SERPINA1: variants seen among roughly 807,000 people sequenced by gnomAD.
SERPINA1 encodes the protein alpha-1-antitrypsin.
Under a neutral mutation model 25.4 loss-of-function variants are expected in SERPINA1, and 21 were observed. That is an observed-to-expected ratio of 0.83 (90% CI 0.59 to 1.19). SERPINA1 has a LOEUF of 1.19. Among genes scored for constraint, SERPINA1 ranks in the 50% most tolerant of loss-of-function variants. The probability of loss-of-function intolerance (pLI) is 0.00; values close to 1 mark genes in which losing one functional copy is unlikely to be tolerated. For missense variants in SERPINA1, 546 were observed against 509.0 expected, an observed-to-expected ratio of 1.07 and a Z score of -0.70; for synonymous variants, 218 against 211.1, an observed-to-expected ratio of 1.03 and a Z score of -0.29.
At chr14:94,383,654 T>A in intron 1 of SERPINA1, 1 of 212,816 alleles carries the variant, frequency 4.7e-6, no homozygotes, top group Non-Finnish European at 9.5e-6. Flanking sequence ...GACCCTAAGA[T>A]GCAAATGGTA....
intron 1 of SERPINA1, among the ~76,000 whole-genome samples, chr14:94,386,537 G>A (rs1041432108): frequency 3.3e-5 from 5 of 152,218 alleles, no homozygotes; most frequent in African/African-American, 1.2e-4. Context: ...CTTCATAGCT[G>A]TACAATGGAG....
chr14:94,390,119 C>T (rs1000155541), upstream of SERPINA1, among the ~76,000 whole-genome samples: 7 of 152,098 alleles, frequency 4.6e-5, no homozygotes, highest in Non-Finnish European at 1.0e-4. Flanking sequence ...ATTCAGTTAC[C>T]CTGTGAAGGG....
rs191174995 is a variant in SERPINA1 at position 94,387,774 on chromosome 14, T to C, written c.-5+786A>G. ...ATTTGGGGCCAGTTATTCACCTCTCTGTCCCCATCTTCCTCATCTGTAAAA... is the reference window on the plus strand; with the variant it reads ...ATTTGGGGCCAGTTATTCACCTCTCCGTCCCCATCTTCCTCATCTGTAAAA... On this transcript the variant is annotated intron_variant, in intron 1 of 4. Coordinates refer to ENST00000393087, the MANE Select transcript of SERPINA1 (RefSeq NM_000295.5). 3.3e-3 allele frequency among the ~76,000 whole-genome samples: 508 copies of C among 152,298 alleles called. 2 individuals carry two copies. The highest frequency in any genetic ancestry group is 5.7e-3 in the Non-Finnish European group (386 of 68,010).
upstream of SERPINA1, among the ~76,000 whole-genome samples, chr14:94,389,346 A>G (rs1463548986): frequency 6.6e-6 from 1 of 152,178 alleles, no homozygotes; most frequent in East Asian, 1.9e-4. Flanking sequence ...CCTCGGGTGA[A>G]GTGCCTGGCA....
rs1267334269 is a variant in SERPINA1 at position 94,378,499 on chromosome 14, T to C, written c.1207A>G (p.Thr403Ala). ...PFVFLMIEQN[T>A]KSPLFMGKVV... is the part of the protein sequence containing the mutation. ...TTTCCCATGAAGAGGGGAGACTTGG[T>C]ATTTTGTTCAATCATTAAGAAGACA... Residue 403 changes from threonine (T) to alanine (A), a missense_variant, in exon 5 of 5, where the codon ACC becomes GCC. Transcript: ENST00000393087. 1.2e-6 allele frequency: 2 copies of C among 1,614,154 alleles called. No homozygotes were observed. The highest frequency in any genetic ancestry group is 1.7e-6 in the Non-Finnish European group (2 of 1,180,020).
chr14:94,382,881 G>A lies in SERPINA1; in HGVS notation c.357C>T (p.Gly119=), dbSNP rs1474416055. 6.2e-7 allele frequency: 1 copy of A among 1,614,004 alleles called. No homozygotes were observed. Among genetic ancestry groups the A allele is most frequent in the African/African-American group, 1.3e-5 (1 of 74,936 alleles). ...TEIPEAQIHE[G]FQELLRTLNQ... ...TGAGGGTACGGAGGAGTTCCTGGAAGCCTTCATGGATCTGAGCCTCCGGAA... is the reference window on the plus strand; with the variant it reads ...TGAGGGTACGGAGGAGTTCCTGGAAACCTTCATGGATCTGAGCCTCCGGAA... Residue 119 remains glycine, a synonymous_variant, in exon 2 of 5, where the codon GGC becomes GGT. Transcript: ENST00000393087.
rs1219790029 is a variant in SERPINA1, at chr14:94,376,856, G to T, written c.*1593C>A. ...GGCAGGTCTTACTAGCAATGACTGG[G>T]GCTCAGAGAGGTTTGGCGACTTCAC... On this transcript the variant is annotated 3_prime_UTR_variant, in exon 5 of 5. Transcript: ENST00000393087. 1 of 152,232 alleles carries T rather than the reference G, an allele frequency of 6.6e-6. No individual in the cohort carries two copies. The highest frequency in any genetic ancestry group is 2.4e-5 in the African/African-American group (1 of 41,452). 9.4% of individuals were successfully genotyped at this position (152,232 alleles called of 1,614,324 possible). A position where few individuals can be genotyped will look rare whatever the true frequency, so the allele number is the denominator to read the frequency against.
intron 3 of SERPINA1, 120 bp downstream of exon 3, chr14:94,380,751 G>A: frequency 7.7e-7 from 1 of 1,295,388 alleles, no homozygotes; most frequent in South Asian, 1.2e-5. Flanking sequence ...CAGAGTAGCA[G>A]TGACCCAGGG....
rs569455355 is a variant in SERPINA1, at chr14:94,379,538, C to T, written c.991G>A (p.Gly331Ser). ...CCATTGCTGAAGACCTTAGTGATGC[C>T]CAGTTGACCCAGGACGCTCTTCAGA... ...YDLKSVLGQL[G>S]ITKVFSNGAD... The change falls in exon 4 of 5, where the codon GGC becomes AGC. Residue 331 changes from glycine to serine, a missense_variant. Gly to Ser is a moderately conservative substitution (Grantham distance 56). Transcript: ENST00000393087. The T allele has an allele frequency of 8.1e-6, 13 of 1,613,264 alleles. No individual in the cohort carries two copies. In the South Asian group the frequency reaches 1.1e-4, roughly 14 times the overall value.
Position 94,381,070 on chromosome 14 carries a change from C to T in SERPINA1, c.718G>A (p.Val240Met), listed in dbSNP as rs72552401. ...EDFHVDQVTT[V>M]KVPMMKRLGM... ...AAACGCTTCATCATAGGCACCTTCA[C>T]GGTGGTCACCTGGTCCACGTGGAAG... Residue 240 changes from valine (V) to methionine (M), a missense_variant, in exon 3 of 5, where the codon GTG becomes ATG. Val to Met is a conservative substitution (Grantham distance 21). Transcript: ENST00000393087. 162 of 1,614,010 alleles carry T rather than the reference C, an allele frequency of 1.0e-4. No homozygotes were observed. The East Asian group carries it at 2.2e-3, about 22-fold the overall frequency.
chr14:94,378,089 G>T lies in SERPINA1; in HGVS notation c.*360C>A, dbSNP rs1218199732. ...GATGCTTGGTGGAGCCTGGGGTCAT[G>T]GCTGGTATCTGGTTCCTCCCCTGTG... On this transcript the variant is annotated 3_prime_UTR_variant, in exon 5 of 5. Transcript: ENST00000393087. 6.8e-6 allele frequency: 2 copies of T among 293,600 alleles called. No individual in the cohort carries two copies. Among genetic ancestry groups the T allele is most frequent in the Admixed American group, 9.4e-5 (2 of 21,282 alleles). 18.2% of individuals were successfully genotyped at this position (293,600 alleles called of 1,614,324 possible).
chr14:94,377,291 G>T lies in SERPINA1; in HGVS notation c.*1158C>A, dbSNP rs1349564082. The T allele has an allele frequency of 1.3e-5, 2 of 152,178 alleles. No individual in the cohort carries two copies. Among genetic ancestry groups the T allele is most frequent in the Non-Finnish European group, 2.9e-5 (2 of 68,060 alleles). The allele number at this position is 152,178 out of a possible 1,614,324, so 9.4% of individuals were successfully genotyped here. A position where few individuals can be genotyped will look rare whatever the true frequency, so the allele number is the denominator to read the frequency against. On this transcript the variant is annotated 3_prime_UTR_variant, in exon 5 of 5. Coordinates refer to ENST00000393087, the MANE Select transcript of SERPINA1 (RefSeq NM_000295.5). ...GCTGTCCTTCAGCTAGGGGCCCAGGGGACTTCCTGGCTGCTGTGTCCTTTA... is the reference window on the plus strand; with the variant it reads ...GCTGTCCTTCAGCTAGGGGCCCAGGTGACTTCCTGGCTGCTGTGTCCTTTA...
chr14:94,376,936 ACT>A lies in SERPINA1; in HGVS notation c.*1511_*1512del, dbSNP rs1896403304. ...TCAGAACTTGGATCCAGGTCTTCAGACTCTCAGGTCTGGTGTCATCCTAGGGG... is the reference window on the plus strand; with the variant it reads ...TCAGAACTTGGATCCAGGTCTTCAGACTCAGGTCTGGTGTCATCCTAGGGG... On this transcript the variant is annotated 3_prime_UTR_variant, in exon 5 of 5. Transcript: ENST00000393087. 1 of 152,010 alleles carries A rather than the reference ACT, an allele frequency of 6.6e-6. No individual in the cohort carries two copies. The highest frequency in any genetic ancestry group is 1.5e-5 in the Non-Finnish European group (1 of 68,014). The allele number at this position is 152,010 out of a possible 1,614,324, so 9.4% of individuals were successfully genotyped here.
intron 2 of SERPINA1, 38 bp from the exon 3 acceptor site, chr14:94,381,179 T>C: frequency 6.2e-7 from 1 of 1,600,506 alleles, no homozygotes; most frequent in Non-Finnish European, 8.5e-7. Flanking sequence ...CAGGGGTGAG[T>C]GAAGGTTTGG....
chr14:94,381,802 T>A (rs1896943202), intron 2 of SERPINA1, among the ~76,000 whole-genome samples: 1 of 152,224 alleles, frequency 6.6e-6, no homozygotes, highest in Non-Finnish European at 1.5e-5. Context: ...TTAGCTGTGC[T>A]GACTGCAGCC....
chr14:94,385,759 AG>A (rs1344141417), intron 1 of SERPINA1, among the ~76,000 whole-genome samples: 4 of 152,204 alleles, frequency 2.6e-5, no homozygotes, highest in Admixed American at 2.6e-4. Flanking sequence ...AGGCTGGTGC[AG>A]GGAGGGTGGC....
rs761711628 is a variant in SERPINA1, at chr14:94,379,496, C to T, written c.1033G>A (p.Val345Ile). The change falls in exon 4 of 5, where the codon GTC becomes ATC. Residue 345 changes from valine to isoleucine, a missense_variant. Transcript: ENST00000393087. ...AGCTTCAGGGGTGCCTCCTCTGTGA[C>T]CCCGGAGAGGTCAGCCCCATTGCTG... ...VFSNGADLSG[V>I]TEEAPLKLSK... The T allele has an allele frequency of 2.5e-6, 4 of 1,613,866 alleles. No homozygotes were observed. Among genetic ancestry groups the T allele is most frequent in the East Asian group, 4.5e-5 (2 of 44,876 alleles).
At chr14:94,383,452 A>T (rs1052525909) in intron 1 of SERPINA1, 1 of 592,968 alleles carries the variant, frequency 1.7e-6, no homozygotes, top group Admixed American at 2.9e-5. Flanking sequence ...CCGTGCTCAC[A>T]TGTGTTAATT....
chr14:94,385,763 A>C (rs1595621218), intron 1 of SERPINA1, among the ~76,000 whole-genome samples: 1 of 152,166 alleles, frequency 6.6e-6, no homozygotes, highest in Non-Finnish European at 1.5e-5. Context: ...TGGTGCAGGG[A>C]GGGTGGCGAG....
Sources: gnomAD v4.1 joint callset for allele counts (sites outside exome capture counted in the v4.1 genomes callset) on GRCh38, gnomAD v4.1.1 for gene constraint, MANE v1.5 for transcripts, NCBI Gene and HGNC (gene_info 2026-07-23, HGNC 2026-07-21) for gene names.